RNF220: variants seen among roughly 807,000 people sequenced by gnomAD.
RNF220 encodes the protein E3 ubiquitin-protein ligase RNF220.
In RNF220, 7 loss-of-function variants were observed where a neutral mutation model predicts 67.1. That is an observed-to-expected ratio of 0.10 (90% CI 0.06 to 0.20). The LOEUF (loss-of-function observed/expected upper bound fraction) is 0.20. Among genes scored for constraint, RNF220 ranks in the 10% least tolerant of loss-of-function variants. The pLI, the probability that RNF220 is intolerant of heterozygous loss-of-function variation, is 1.00. For missense variants in RNF220, 565 were observed against 740.3 expected, an observed-to-expected ratio of 0.76 and a Z score of 2.75; for synonymous variants, 270 against 283.2, an observed-to-expected ratio of 0.95 and a Z score of 0.47.
intron 2 of RNF220, among the ~76,000 whole-genome samples, chr1:44,462,242 T>TA (rs149401260): frequency 0.06 from 9,153 of 151,966 alleles, 408 homozygotes; most frequent in African/African-American, 0.12. Flanking sequence ...CATATATATA[T>TA]TTTTTAATGG....
intron 2 of RNF220, among the ~76,000 whole-genome samples, chr1:44,467,951 G>C (rs114626863): frequency 1.3e-5 from 2 of 152,006 alleles, no homozygotes; most frequent in Admixed American, 1.3e-4. Context: ...CAGAGAATAC[G>C]GAGGCCCAAG....
chr1:44,609,598 G>A (rs954645473), intron 2 of RNF220, among the ~76,000 whole-genome samples: 5 of 152,220 alleles, frequency 3.3e-5, no homozygotes, highest in Non-Finnish European at 7.3e-5. Context: ...TGAGTTGCCT[G>A]TTCCCAATGG....
At position 44,649,997 on chromosome 1, in the gene RNF220, G is replaced by A. The variant is rs373511672; in HGVS notation, c.1629+40G>A. 3.0e-4 allele frequency: 472 copies of A among 1,596,070 alleles called. 6 individuals are homozygous for A. In the South Asian group the frequency reaches 4.7e-3, roughly 16 times the overall value. The stretch of plus-strand genomic sequence containing the variant: ...GGGTCGGGGAATGGGAGGCCGCTCC[G>A]GGCACTGCCCAGATGTCTGTGCTTA... On this transcript the variant is annotated intron_variant, in intron 14 of 14. Coordinates refer to ENST00000361799, the MANE Select transcript of RNF220 (RefSeq NM_018150.4). This position sits in a 1 kb window ranked among gnomAD's most constrained non-coding sequence, Gnocchi z 5.9.
intron 2 of RNF220, among the ~76,000 whole-genome samples, chr1:44,508,803 A>G (rs1658680175): frequency 6.6e-6 from 1 of 152,248 alleles, no homozygotes; most frequent in Non-Finnish European, 1.5e-5. Context: ...TTCTGTCACC[A>G]TAATGACTGT....
chr1:44,418,986 A>G (rs1648915654), intron 2 of RNF220, among the ~76,000 whole-genome samples: 1 of 152,198 alleles, frequency 6.6e-6, no homozygotes, highest in Admixed American at 6.5e-5. Flanking sequence ...AATACTTGAG[A>G]TTTGGAGTGA....
rs192450669 is a variant in RNF220 at position 44,482,604 on chromosome 1, C to T, written c.625+69882C>T. ...TAGGATTCTTCACATTTATCCTTGG[C>T]ATAGTCTAGGGTAATTCAGTAAATT... On this transcript the variant is annotated intron_variant, in intron 2 of 14. Coordinates refer to ENST00000361799, the MANE Select transcript of RNF220 (RefSeq NM_018150.4). 8.1e-4 allele frequency among the ~76,000 whole-genome samples: 123 copies of T among 152,086 alleles called. 2 individuals carry two copies. The highest frequency in any genetic ancestry group is 2.4e-3 in the Admixed American group (36 of 15,282).
At chr1:44,562,777 A>G (rs530903091) in intron 2 of RNF220, among the ~76,000 whole-genome samples, 1 of 152,270 alleles carries the variant, frequency 6.6e-6, no homozygotes, top group South Asian at 2.1e-4. Flanking sequence ...AGCCGTTTTC[A>G]CTGCCTGGGC....
chr1:44,514,544 A>G (rs1219767011), intron 2 of RNF220, among the ~76,000 whole-genome samples: 1 of 152,174 alleles, frequency 6.6e-6, no homozygotes, highest in Admixed American at 6.5e-5. Context: ...TGACTCTTTA[A>G]TGCTGATGAC....
At chr1:44,630,128 G>A (rs1644073784) in intron 5 of RNF220, among the ~76,000 whole-genome samples, 1 of 152,190 alleles carries the variant, frequency 6.6e-6, no homozygotes, top group Non-Finnish European at 1.5e-5. Context: ...CATAGAGACA[G>A]GGTCTCACTA....
chr1:44,493,517 AAAAT>A (rs767887927), intron 2 of RNF220, among the ~76,000 whole-genome samples: 2 of 136,168 alleles, frequency 1.5e-5, no homozygotes, highest in Non-Finnish European at 3.1e-5. Flanking sequence ...TCCGTCTCAA[AAAAT>A]AAATAAATAA....
chr1:44,499,899 G>A (rs1237963083), intron 2 of RNF220, among the ~76,000 whole-genome samples: 1 of 149,056 alleles, frequency 6.7e-6, no homozygotes, highest in Non-Finnish European at 1.5e-5. Flanking sequence ...AGTTGGATCA[G>A]GCCAAAACAT....
rs56978327 is a variant in RNF220 at position 44,502,052 on chromosome 1, A to AACACACACAC, written c.625+89369_625+89378dup. On this transcript the variant is annotated intron_variant, in intron 2 of 14. Transcript: ENST00000361799. ...TCCCCAGCTGACTTCACACCACTGA[A>AACACACACAC]ACACACACACACACACACACACACA... 1.9e-3 allele frequency among the ~76,000 whole-genome samples: 235 copies of AACACACACAC among 121,840 alleles called. 1 individual carries two copies. The highest frequency in any genetic ancestry group is 5.3e-3 in the African/African-American group (168 of 31,496). 79.9% of individuals were successfully genotyped at this position (121,840 alleles called of 152,430 possible). A position where few individuals can be genotyped will look rare whatever the true frequency, so the allele number is the denominator to read the frequency against.
chr1:44,534,595 G>A (rs918040192), intron 2 of RNF220, among the ~76,000 whole-genome samples: 1 of 152,136 alleles, frequency 6.6e-6, no homozygotes, highest in Non-Finnish European at 1.5e-5. Context: ...AGATGTTAAT[G>A]GCCTTTCAGC....
chr1:44,636,281 G>A, intron 8 of RNF220, 119 bp downstream of exon 8: 9 of 1,331,800 alleles, frequency 6.8e-6, no homozygotes, highest in Non-Finnish European at 8.6e-6. Flanking sequence ...TCCACCACGT[G>A]GGGACTGCTG....
At chr1:44,581,710 G>A (rs1312355408) in intron 2 of RNF220, among the ~76,000 whole-genome samples, 1 of 152,140 alleles carries the variant, frequency 6.6e-6, no homozygotes, top group Non-Finnish European at 1.5e-5. Flanking sequence ...GAGTCCTAGG[G>A]GGCTGGGGTG....
chr1:44,441,954 G>C (rs945640094), intron 2 of RNF220, among the ~76,000 whole-genome samples: 11 of 152,138 alleles, frequency 7.2e-5, no homozygotes, highest in African/African-American at 2.4e-4. Context: ...ATATGGTATA[G>C]TTCACAGGAG....
At chr1:44,436,708 GATGCGTGCAA>G (rs1225793487) in intron 2 of RNF220, among the ~76,000 whole-genome samples, 1 of 152,186 alleles carries the variant, frequency 6.6e-6, no homozygotes, top group Non-Finnish European at 1.5e-5. Flanking sequence ...GTGCTGATGA[GATGCGTGCAA>G]ATGAACAGAT....
intron 2 of RNF220, among the ~76,000 whole-genome samples, chr1:44,543,183 G>A (rs1661814294): frequency 6.6e-6 from 1 of 152,000 alleles, no homozygotes; most frequent in African/African-American, 2.4e-5. Context: ...CTTCCTCTTT[G>A]TGCAGAGACC....
At chr1:44,405,043 G>A (rs1160962283), upstream of RNF220, among the ~76,000 whole-genome samples, 1 of 152,020 alleles carries the variant, frequency 6.6e-6, no homozygotes, top group Admixed American at 6.6e-5. Flanking sequence ...AATGGCTCGC[G>A]ACCCCAAGAC....
Sources: allele counts gnomAD v4.1 joint callset (sites outside exome capture counted in the v4.1 genomes callset), GRCh38; gene constraint gnomAD v4.1.1; non-coding constraint Gnocchi (gnomAD v3.1); transcripts MANE v1.5; gene names NCBI Gene and HGNC (gene_info 2026-07-23, HGNC 2026-07-21).